Variants in ASPH observed in about 807,000 individuals in gnomAD.
ASPH encodes aspartate beta-hydroxylase, also known as aspartyl/asparaginyl beta-hydroxylase.
A neutral mutation model predicts 118.4 loss-of-function variants in ASPH; 100 were observed. The ratio of observed to expected loss-of-function variants is 0.84; its 90% CI spans 0.72 to 1.00. ASPH has a LOEUF of 1.00. Ranked by LOEUF, ASPH falls within the 50% of genes least tolerant of loss-of-function variation. ASPH has a pLI of 0.00. For synonymous variants in ASPH, 315 were observed against 325.6 expected, an observed-to-expected ratio of 0.97 and a Z score of 0.35; for missense variants, 920 against 919.5, an observed-to-expected ratio of 1.00 and a Z score of -0.01.
At chr8:61,617,988 G>C (rs1040222661) in intron 14 of ASPH, among the ~76,000 whole-genome samples, 2 of 151,276 alleles carry the variant, frequency 1.3e-5, no homozygotes, top group Non-Finnish European at 2.9e-5. Flanking sequence ...AAGAAAGTTA[G>C]GAGTGAGACT....
chr8:61,593,314 C>G (rs1013212514), intron 14 of ASPH, among the ~76,000 whole-genome samples: 24 of 152,098 alleles, frequency 1.6e-4, no homozygotes, highest in African/African-American at 5.6e-4. Context: ...ATAGGTATTA[C>G]CAGAAGAAGA....
At chr8:61,515,918 C>T (rs1032527045) in intron 24 of ASPH, among the ~76,000 whole-genome samples, 1 of 152,152 alleles carries the variant, frequency 6.6e-6, no homozygotes, top group East Asian at 1.9e-4. Context: ...CTGTGACAGC[C>T]TGCTAATTGT....
intron 4 of ASPH, 127 bp downstream of exon 4, chr8:61,653,441 A>G: frequency 1.2e-6 from 1 of 863,726 alleles, no homozygotes; most frequent in South Asian, 2.0e-5. Context: ...TCAGAAGAGA[A>G]AAAAAGTAGT....
At chr8:61,594,770 ATATAG>A (rs1246717033) in intron 14 of ASPH, among the ~76,000 whole-genome samples, 2 of 152,234 alleles carry the variant, frequency 1.3e-5, no homozygotes, top group Non-Finnish European at 1.5e-5. Flanking sequence ...ATAGGAAAAA[ATATAG>A]TATATATAGG....
chr8:61,601,972 G>C (rs1220452543), intron 14 of ASPH, among the ~76,000 whole-genome samples: 1 of 151,304 alleles, frequency 6.6e-6, no homozygotes, highest in African/African-American at 2.5e-5. Flanking sequence ...AATAAATAAA[G>C]CTTATGGTTA....
At position 61,517,586 on chromosome 8, in the gene ASPH, G is replaced by A; in HGVS notation, c.2068C>T (p.His690Tyr). Residue 690 changes from histidine (H) to tyrosine (Y), a missense_variant, in exon 24 of 25, where the codon CAC (histidine) becomes TAC (tyrosine). Transcript: ENST00000379454. Reference protein sequence around the residue: ...TGPTNCRLRMHLGLVIPKEGC... With the variant: ...TGPTNCRLRMYLGLVIPKEGC... ...TCCTTGGGAATCACCAAGCCCAGGTGCATTCGGAGCCTGCAGTTTGTGGGC... is the reference window on the plus strand; with the variant it reads ...TCCTTGGGAATCACCAAGCCCAGGTACATTCGGAGCCTGCAGTTTGTGGGC... 1.2e-6 allele frequency: 2 copies of A among 1,614,130 alleles called. No homozygotes were observed. Among genetic ancestry groups the A allele is most frequent in the Non-Finnish European group, 8.5e-7 (1 of 1,179,978 alleles).
chr8:61,665,666 A>G, intron 3 of ASPH: 1 of 1,475,228 alleles, frequency 6.8e-7, no homozygotes, highest in Non-Finnish European at 9.0e-7. Context: ...TAATCACAGA[A>G]CAGGAAGTTA....
chr8:61,641,079 T>A (rs1234210029), intron 10 of ASPH, among the ~76,000 whole-genome samples: 1 of 152,228 alleles, frequency 6.6e-6, no homozygotes, highest in East Asian at 1.9e-4. Context: ...ATTAGATCTA[T>A]TTGTTTGAAA....
rs1472259132 is a variant in ASPH, at chr8:61,714,359, T to G, written c.13A>C (p.Lys5Gln). MAQRKNAKSSGNSSS... is the reference protein window; with the variant it reads MAQRQNAKSSGNSSS... ...CTGTTGCCGCTGCTCTTGGCATTCT[T>G]ACGCTGGGCCATTGCACGGTCCGCG... Residue 5 changes from lysine to glutamine, a missense_variant, in exon 1 of 25, where the codon AAG (lysine) becomes CAG (glutamine). By Grantham distance (53) the Lys-to-Gln change is moderately conservative. Transcript: ENST00000379454. The G allele has an allele frequency of 6.6e-7, 1 of 1,518,650 alleles. No individual in the cohort carries two copies. The highest frequency in any genetic ancestry group is 2.1e-5 in the Admixed American group (1 of 47,688). 94.1% of individuals were successfully genotyped at this position (1,518,650 alleles called of 1,614,324 possible). A position where few individuals can be genotyped will look rare whatever the true frequency, so the allele number is the denominator to read the frequency against.
At chr8:61,684,008 C>T in intron 2 of ASPH, 31 bp downstream of exon 2, 1 of 1,606,810 alleles carries the variant, frequency 6.2e-7, no homozygotes, top group Non-Finnish European at 8.5e-7. Context: ...TACTCTCTTA[C>T]AAATTCACAT....
chr8:61,536,261 G>A (rs1046699757), intron 21 of ASPH, among the ~76,000 whole-genome samples: 2 of 152,018 alleles, frequency 1.3e-5, no homozygotes, highest in African/African-American at 4.8e-5. Context: ...GGATGGTCTC[G>A]ATCTCCTGAC....
rs1826598468 is a variant in ASPH, at chr8:61,553,114, T to G, written c.1543A>C (p.Ile515Leu). The part of the protein sequence containing the change: ...AESIPYLKEG[I>L]ESGDPGTDDG... The stretch of plus-strand genomic sequence containing the variant: ...TCAGTGCCAGGATCTCCGGATTCTA[T>G]TCCTTCCTGTAGAAAGGACAGTGTT... Residue 515 changes from isoleucine to leucine, a missense_variant, in exon 20 of 25, where the codon ATA becomes CTA. By Grantham distance (5) the Ile-to-Leu change is conservative. Coordinates refer to ENST00000379454, the MANE Select transcript of ASPH (RefSeq NM_004318.4). The G allele has an allele frequency of 6.2e-7, 1 of 1,612,156 alleles. No individual in the cohort carries two copies. Among genetic ancestry groups the G allele is most frequent in the Non-Finnish European group, 8.5e-7 (1 of 1,178,322 alleles).
At chr8:61,698,017 T>C (rs574942147) in intron 1 of ASPH, among the ~76,000 whole-genome samples, 1 of 152,296 alleles carries the variant, frequency 6.6e-6, no homozygotes, top group African/African-American at 2.4e-5. Context: ...CACGCTGGTC[T>C]TGAACTCCTC....
At chr8:61,624,847 A>C in intron 13 of ASPH, 1 of 985,646 alleles carries the variant, frequency 1.0e-6, no homozygotes, top group Non-Finnish European at 1.2e-6. Context: ...GAGTTTTATT[A>C]TAATTTGAGT....
intron 14 of ASPH, among the ~76,000 whole-genome samples, chr8:61,601,641 T>C (rs567770426): frequency 9.4e-5 from 14 of 149,624 alleles, no homozygotes; most frequent in South Asian, 2.1e-4. Flanking sequence ...AAGGTACATA[T>C]TGATAATTTA....
In ASPH at chr8:61,714,364, T is replaced by C; in HGVS notation, c.8A>G (p.Gln3Arg). Residue 3 changes from glutamine (Q) to arginine (R), a missense_variant, in exon 1 of 25, where the codon CAG becomes CGG. By Grantham distance (43) the Gln-to-Arg change is conservative. Transcript: ENST00000379454. ...GCCGCTGCTCTTGGCATTCTTACGC[T>C]GGGCCATTGCACGGTCCGCGGGGGC... MA[Q>R]RKNAKSSGNS... 1 of 1,517,232 alleles carries C rather than the reference T, an allele frequency of 6.6e-7. No individual in the cohort carries two copies. The highest frequency in any genetic ancestry group is 8.8e-7 in the Non-Finnish European group (1 of 1,132,894). 94.0% of individuals were successfully genotyped at this position (1,517,232 alleles called of 1,614,324 possible). A position where few individuals can be genotyped will look rare whatever the true frequency, so the allele number is the denominator to read the frequency against.
intron 14 of ASPH, among the ~76,000 whole-genome samples, chr8:61,608,320 G>A (rs57433917): frequency 6.6e-6 from 1 of 152,084 alleles, no homozygotes; most frequent in African/African-American, 2.4e-5. Context: ...ATAGAACATG[G>A]GTCATGAGAT....
chr8:61,525,262 C>T (rs974213977), intron 22 of ASPH, among the ~76,000 whole-genome samples: 1 of 152,098 alleles, frequency 6.6e-6, no homozygotes, highest in Non-Finnish European at 1.5e-5. Flanking sequence ...TTAATCCAGG[C>T]TAACTCCACT....
intron 6 of ASPH, among the ~76,000 whole-genome samples, chr8:61,645,910 C>T (rs1807695206): frequency 6.6e-6 from 1 of 152,194 alleles, no homozygotes; most frequent in African/African-American, 2.4e-5. Flanking sequence ...TAACTGGACA[C>T]ACAATGGCTC....
Sources: gnomAD v4.1 joint callset for allele counts (sites outside exome capture counted in the v4.1 genomes callset) on GRCh38, gnomAD v4.1.1 for gene constraint, MANE v1.5 for transcripts, NCBI Gene and HGNC (gene_info 2026-07-23, HGNC 2026-07-21) for gene names.